The following WDPCP variants were observed in gnomAD, a reference collection of about 807,000 sequenced individuals.
The protein encoded by WDPCP is WD repeat-containing and planar cell polarity effector protein fritz homolog.
In WDPCP, 71 loss-of-function variants were observed where a neutral mutation model predicts 93.1. The ratio of observed to expected loss-of-function variants is 0.76; its 90% CI spans 0.63 to 0.93. The LOEUF (loss-of-function observed/expected upper bound fraction) is 0.93, where lower values mean the gene tolerates loss of function less well. Ranked by LOEUF, WDPCP falls within the 40% of genes least tolerant of loss-of-function variation. WDPCP has a pLI of 0.00. For missense variants in WDPCP, 844 were observed against 887.4 expected, an observed-to-expected ratio of 0.95 and a Z score of 0.62; for synonymous variants, 315 against 315.0, an observed-to-expected ratio of 1.00 and a Z score of 0.00.
Position 63,382,089 on chromosome 2 carries a change from A to C in WDPCP, c.1441T>G (p.Phe481Val), listed in dbSNP as rs1391760964. 6 of 1,612,582 alleles carry C rather than the reference A, an allele frequency of 3.7e-6. No homozygotes were observed. The change falls in exon 11 of 18, where the codon TTC (phenylalanine) becomes GTC (valine). Residue 481 changes from phenylalanine to valine, a missense_variant. Coordinates refer to ENST00000272321, the MANE Select transcript of WDPCP (RefSeq NM_015910.7). ...ATCAGGCCCAGCTGTCCTCGAGTGA[A>C]GACGCCTATCACAAAACATGGAAAA... ...LGVLLFKLGVFTRGQLGLIDI... is the reference protein window; with the variant it reads ...LGVLLFKLGVVTRGQLGLIDI...
At chr2:63,166,046 ATTTC>A (rs1672942865) in intron 15 of WDPCP, among the ~76,000 whole-genome samples, 1 of 150,800 alleles carries the variant, frequency 6.6e-6, no homozygotes, top group South Asian at 2.1e-4. Context: ...TGCTTTGTAA[ATTTC>A]TTTTTTTTAA....
chr2:63,800,036 T>C (rs1301298261), intron 2 of WDPCP, among the ~76,000 whole-genome samples: 1 of 152,208 alleles, frequency 6.6e-6, no homozygotes, highest in Non-Finnish European at 1.5e-5. Context: ...AAAAAAGTAT[T>C]GGTCTATATA....
At chr2:63,273,635 T>C (rs768778273) in intron 13 of WDPCP, among the ~76,000 whole-genome samples, 1 of 152,138 alleles carries the variant, frequency 6.6e-6, no homozygotes, top group Non-Finnish European at 1.5e-5. Flanking sequence ...TAGAAAAATA[T>C]GTGTTGCACA....
chr2:63,192,931 T>TA (rs560792007), intron 14 of WDPCP, among the ~76,000 whole-genome samples: 122 of 152,366 alleles, frequency 8.0e-4, no homozygotes, highest in African/African-American at 2.7e-3. Context: ...TATTGTTTGT[T>TA]AAACTGACAG....
At chr2:63,302,597 G>A (rs1054471989) in intron 13 of WDPCP, among the ~76,000 whole-genome samples, 1 of 152,212 alleles carries the variant, frequency 6.6e-6, no homozygotes, top group Non-Finnish European at 1.5e-5. Context: ...TTTCTTACCA[G>A]TTGGGCTTTT....
rs10439490 is a variant in WDPCP, at chr2:63,120,770, G to A, written c.*1236C>T. Among the ~76,000 whole-genome samples the A allele has an allele frequency of 3.3e-3, 502 of 151,420 alleles. 2 individuals carry two copies. The highest frequency in any genetic ancestry group is 0.011 in the African/African-American group (468 of 41,294). On this transcript the variant is annotated 3_prime_UTR_variant, in exon 18 of 18. Transcript: ENST00000272321. Reference sequence around the variant, plus strand: ...AGGATGGTCTCCATCTCCTGACCTCGTGATTCGCCCGCCTTGGCCTCCCAA... The same window carrying A: ...AGGATGGTCTCCATCTCCTGACCTCATGATTCGCCCGCCTTGGCCTCCCAA...
intron 2 of WDPCP, among the ~76,000 whole-genome samples, chr2:63,685,445 A>G (rs999084937): frequency 6.0e-5 from 9 of 150,944 alleles, no homozygotes; most frequent in Non-Finnish European, 1.0e-4. Flanking sequence ...AAGTAACAAG[A>G]ACGAAGCTGT....
intron 2 of WDPCP, among the ~76,000 whole-genome samples, chr2:63,691,019 T>A (rs185500376): frequency 1.2e-3 from 178 of 152,166 alleles, no homozygotes; most frequent in Non-Finnish European, 1.5e-3. Flanking sequence ...TGGGGAGAAA[T>A]GAATGTACAT....
chr2:63,268,800 A>T (rs2677436), intron 13 of WDPCP, among the ~76,000 whole-genome samples: 123,014 of 152,070 alleles, frequency 0.81, 50,542 homozygotes, highest in East Asian at 0.96. Context: ...AAGATTTTTA[A>T]TGTTATGATC....
intron 2 of WDPCP, among the ~76,000 whole-genome samples, chr2:63,683,755 A>G (rs985402480): frequency 1.3e-5 from 2 of 152,100 alleles, no homozygotes; most frequent in African/African-American, 4.8e-5. Context: ...ATGCTAAGGC[A>G]GGAAAATCGC....
chr2:63,472,458 T>C (rs1699750661), intron 6 of WDPCP, among the ~76,000 whole-genome samples: 1 of 152,134 alleles, frequency 6.6e-6, no homozygotes, highest in Non-Finnish European at 1.5e-5. Flanking sequence ...CATTATCATG[T>C]CCCTTTGTCA....
At chr2:63,434,827 T>C (rs550628629) in intron 8 of WDPCP, among the ~76,000 whole-genome samples, 1 of 152,224 alleles carries the variant, frequency 6.6e-6, no homozygotes, top group East Asian at 1.9e-4. Flanking sequence ...TTCATATTCC[T>C]GTCTGCAAGG....
intron 3 of WDPCP, among the ~76,000 whole-genome samples, chr2:63,616,956 T>A (rs1709679369): frequency 6.6e-6 from 1 of 152,080 alleles, no homozygotes; most frequent in African/African-American, 2.4e-5. Flanking sequence ...TCCCCAAAAG[T>A]AAAAATAAAG....
chr2:63,535,101 C>G (rs1575600161), intron 1 of WDPCP, among the ~76,000 whole-genome samples: 2 of 152,236 alleles, frequency 1.3e-5, no homozygotes, highest in East Asian at 1.9e-4. Context: ...TGAGTGAACT[C>G]CCATTCACAA....
At chr2:63,183,155 T>C (rs984980650) in intron 14 of WDPCP, among the ~76,000 whole-genome samples, 1 of 152,078 alleles carries the variant, frequency 6.6e-6, no homozygotes, top group Non-Finnish European at 1.5e-5. Flanking sequence ...CCTGATTTGT[T>C]ATTTGTTTTC....
chr2:63,683,848 CAAAA>C (rs1168197474), intron 2 of WDPCP, among the ~76,000 whole-genome samples: 1 of 91,732 alleles, frequency 1.1e-5, no homozygotes, highest in Non-Finnish European at 2.3e-5. Flanking sequence ...GACTCCATCT[CAAAA>C]AAAAAAAAAA....
rs76658046 is a variant in WDPCP at position 63,446,709 on chromosome 2, C to G, written c.385-6838G>C. On this transcript the variant is annotated intron_variant, in intron 6 of 17. Coordinates refer to ENST00000272321, the MANE Select transcript of WDPCP (RefSeq NM_015910.7). Reference sequence around the variant, plus strand: ...CACCCTGTGTGTCTCTAACCATGTTCAGGGCTATCACTTTGATGACTAATG... The same window carrying G: ...CACCCTGTGTGTCTCTAACCATGTTGAGGGCTATCACTTTGATGACTAATG... Among the ~76,000 whole-genome samples the G allele has an allele frequency of 3.1e-3, 471 of 152,296 alleles. 4 individuals carry two copies. The highest frequency in any genetic ancestry group is 0.011 in the African/African-American group (437 of 41,566).
intron 3 of WDPCP, chr2:63,606,759 G>T (rs371315591): frequency 7.0e-6 from 5 of 713,184 alleles, no homozygotes; most frequent in African/African-American, 1.8e-5. Context: ...TTTAGAATCA[G>T]ACTTTAAAAC....
At chr2:63,154,530 C>T (rs969635120) in intron 15 of WDPCP, among the ~76,000 whole-genome samples, 6 of 152,058 alleles carry the variant, frequency 3.9e-5, no homozygotes, top group Admixed American at 1.3e-4. Flanking sequence ...GATGTGTGTA[C>T]CAGTTTATTT....
Sources: allele counts gnomAD v4.1 joint callset (sites outside exome capture counted in the v4.1 genomes callset), GRCh38; gene constraint gnomAD v4.1.1; transcripts MANE v1.5; gene names NCBI Gene and HGNC (gene_info 2026-07-23, HGNC 2026-07-21).